The following MACROD2 variants were observed in gnomAD, a reference collection of about 807,000 sequenced individuals.
MACROD2 encodes ADP-ribose glycohydrolase MACROD2.
Under a neutral mutation model 70.4 loss-of-function variants are expected in MACROD2, and 36 were observed. The observed-to-expected ratio is 0.51, with a 90% CI of 0.39 to 0.68. The LOEUF is 0.68. Ranked by LOEUF, MACROD2 falls within the 30% of genes least tolerant of loss-of-function variation. MACROD2 has a pLI of 0.00. For synonymous variants in MACROD2, 172 were observed against 178.8 expected (o/e 0.96, Z 0.30); for missense variants, 496 against 538.4 (o/e 0.92, Z 0.78).
intron 4 of MACROD2, among the ~76,000 whole-genome samples, chr20:14,604,514 G>C (rs1299590734): frequency 6.6e-6 from 1 of 152,162 alleles, no homozygotes; most frequent in South Asian, 2.1e-4. Flanking sequence ...CATTGTGGCA[G>C]GTGGCTGCGT....
At chr20:14,471,479 G>A (rs923191894) in intron 3 of MACROD2, among the ~76,000 whole-genome samples, 23 of 151,936 alleles carry the variant, frequency 1.5e-4, no homozygotes, top group Admixed American at 1.4e-3. Context: ...AGGTTTAATG[G>A]GCTTCAGTTA....
intron 3 of MACROD2, among the ~76,000 whole-genome samples, chr20:14,224,016 G>A (rs1211956582): frequency 1.3e-5 from 2 of 152,114 alleles, no homozygotes; most frequent in Admixed American, 6.5e-5. Flanking sequence ...CTGCCTCAGG[G>A]GCGGTGAGTC....
intron 5 of MACROD2, among the ~76,000 whole-genome samples, chr20:14,727,852 A>G (rs547244751): frequency 5.9e-5 from 9 of 152,002 alleles, no homozygotes; most frequent in Non-Finnish European, 1.0e-4. Context: ...GTCCCATTTC[A>G]CTCTGAGATA....
intron 3 of MACROD2, among the ~76,000 whole-genome samples, chr20:14,288,972 G>C (rs1397125489): frequency 1.3e-5 from 2 of 152,166 alleles, no homozygotes; most frequent in Non-Finnish European, 2.9e-5. Flanking sequence ...GATGGCTCAT[G>C]GGACATATAA....
chr20:14,839,751 A>G (rs957728943), intron 5 of MACROD2, among the ~76,000 whole-genome samples: 3 of 152,052 alleles, frequency 2.0e-5, no homozygotes, highest in African/African-American at 7.2e-5. Flanking sequence ...TATTAGGAAA[A>G]AGAGAGCCCC....
intron 5 of MACROD2, among the ~76,000 whole-genome samples, chr20:15,028,910 C>A (rs144112695): frequency 1.6e-3 from 237 of 152,264 alleles, no homozygotes; most frequent in African/African-American, 5.1e-3. Flanking sequence ...CAAGGAAGAA[C>A]AAGATCGTGA....
intron 3 of MACROD2, among the ~76,000 whole-genome samples, chr20:14,121,012 T>C (rs368683086): frequency 2.9e-4 from 44 of 152,134 alleles, no homozygotes; most frequent in African/African-American, 8.2e-4. Flanking sequence ...TCTGTACAGG[T>C]ACCATTTTTT....
chr20:15,263,291 C>A (rs1459838570), intron 6 of MACROD2, among the ~76,000 whole-genome samples: 1 of 149,716 alleles, frequency 6.7e-6, no homozygotes, highest in Non-Finnish European at 1.5e-5. Context: ...TTTTTTTTCT[C>A]TTTCTGCAAT....
At position 14,468,245 on chromosome 20, in the gene MACROD2, A is replaced by G. The variant is rs780645899; in HGVS notation, c.272-25234A>G. Reference sequence around the variant, plus strand: ...ATCCACTATTATTGTGTGGGAGTCTATGTCTCTTTAGAGGTCTCTGGGAAC... The same window carrying G: ...ATCCACTATTATTGTGTGGGAGTCTGTGTCTCTTTAGAGGTCTCTGGGAAC... On this transcript the variant is annotated intron_variant, in intron 3 of 17. Transcript: ENST00000684519. Among the ~76,000 whole-genome samples, 7 of 151,816 alleles carry G rather than the reference A, an allele frequency of 4.6e-5. No individual in the cohort carries two copies. In the South Asian group the frequency reaches 1.0e-3, roughly 23 times the overall value.
intron 5 of MACROD2, among the ~76,000 whole-genome samples, chr20:14,716,690 A>G (rs1160762695): frequency 6.6e-6 from 1 of 152,148 alleles, no homozygotes; most frequent in Non-Finnish European, 1.5e-5. Context: ...GCTTGAGGTG[A>G]GATAGAAGTG....
In MACROD2 at chr20:15,079,527, C is replaced by T. The variant is rs552404578; in HGVS notation, c.419-150413C>T. On this transcript the variant is annotated intron_variant, in intron 5 of 17. Transcript: ENST00000684519. ...AGCTCCTTCCCTGAATCCAAGAAGC[C>T]ATTAATCCCACACACATCTCCACAC... Among the ~76,000 whole-genome samples the T allele has an allele frequency of 3.9e-5, 6 of 152,248 alleles. No individual in the cohort carries two copies. In the South Asian group the frequency reaches 1.2e-3, roughly 32 times the overall value.
intron 5 of MACROD2, among the ~76,000 whole-genome samples, chr20:15,026,928 T>C (rs1165296464): frequency 3.3e-5 from 5 of 152,210 alleles, no homozygotes; most frequent in African/African-American, 1.2e-4. Flanking sequence ...AATGTTCTCC[T>C]GCAAGTTCAT....
intron 6 of MACROD2, among the ~76,000 whole-genome samples, chr20:15,425,855 C>T (rs1319979043): frequency 6.6e-6 from 1 of 152,158 alleles, no homozygotes; most frequent in Non-Finnish European, 1.5e-5. Flanking sequence ...AACTGAGAAT[C>T]AAGGGTCAGA....
intron 6 of MACROD2, among the ~76,000 whole-genome samples, chr20:15,357,433 G>T (rs2078300222): frequency 6.6e-6 from 1 of 151,832 alleles, no homozygotes; most frequent in Non-Finnish European, 1.5e-5. Context: ...TTGAAATTTT[G>T]ACCTAAAACA....
chr20:15,230,485 T>C (rs2076950984), intron 6 of MACROD2, among the ~76,000 whole-genome samples: 2 of 152,194 alleles, frequency 1.3e-5, no homozygotes, highest in Admixed American at 1.3e-4. Flanking sequence ...TGTACATGCA[T>C]GAATGTGTGC....
At chr20:14,560,984 G>A (rs1568671128) in intron 4 of MACROD2, among the ~76,000 whole-genome samples, 1 of 151,744 alleles carries the variant, frequency 6.6e-6, no homozygotes, top group Non-Finnish European at 1.5e-5. Flanking sequence ...TCATTTGATA[G>A]GACAGGAGCT....
chr20:14,051,613 T>A lies in MACROD2; in HGVS notation c.164-34008T>A, dbSNP rs80090156. ...GATATCTTTAAATTCTAGGTATTGG[T>A]TTACTAATAATAGTATCAACCCATC... On this transcript the variant is annotated intron_variant, in intron 2 of 17. Transcript: ENST00000684519. Among the ~76,000 whole-genome samples, 280 of 152,302 alleles carry A rather than the reference T, an allele frequency of 1.8e-3. 8 individuals are homozygous for A. The East Asian group carries it at 0.048, about 26-fold the overall frequency.
chr20:15,793,124 T>TGTGTGTGTGTGCATGTGC (rs2063640442), intron 8 of MACROD2, among the ~76,000 whole-genome samples: 2 of 151,948 alleles, frequency 1.3e-5, no homozygotes, highest in South Asian at 4.2e-4. Context: ...AAAAAGACTG[T>TGTGTGTGTGTGCATGTGC]GTGTGTGTGT....
At chr20:15,356,905 A>T (rs561415773) in intron 6 of MACROD2, among the ~76,000 whole-genome samples, 71 of 152,252 alleles carry the variant, frequency 4.7e-4, no homozygotes, top group Non-Finnish European at 9.1e-4. Context: ...AGAACATGTT[A>T]TGGATGTTTT....
Sources: allele counts gnomAD v4.1 joint callset (sites outside exome capture counted in the v4.1 genomes callset), GRCh38; gene constraint gnomAD v4.1.1; transcripts MANE v1.5; gene names NCBI Gene and HGNC (gene_info 2026-07-23, HGNC 2026-07-21).